The following COL5A2 variants were observed in gnomAD, a reference collection of about 807,000 sequenced individuals.
COL5A2 encodes collagen alpha-2(V) chain.
A neutral mutation model predicts 208.2 loss-of-function variants in COL5A2; 23 were observed. The observed-to-expected ratio is 0.11, with a 90% CI of 0.08 to 0.16. The LOEUF is 0.16. COL5A2 is among the 10% of genes least tolerant of loss of function. The pLI, the probability that COL5A2 is intolerant of heterozygous loss-of-function variation, is 1.00. For synonymous variants in COL5A2, 625 were observed against 628.5 expected (o/e 0.99, Z 0.08); for missense variants, 1,590 against 1,956.4 (o/e 0.81, Z 3.53).
chr2:189,300,642 C>T, the COL5A2 span, among the ~76,000 whole-genome samples: 1 of 152,174 alleles, frequency 6.6e-6, no homozygotes, highest in East Asian at 1.9e-4. Context: ...CGGGACAGCC[C>T]TGAAGACTGG....
chr2:189,206,164 A>C (rs17270980), intron 1 of COL5A2, among the ~76,000 whole-genome samples: 4,517 of 152,298 alleles, frequency 0.03, 101 homozygotes, highest in South Asian at 0.051. Flanking sequence ...AGTTAGGACT[A>C]TGTCAAAGCT....
the COL5A2 span, among the ~76,000 whole-genome samples, chr2:189,319,792 T>C: frequency 6.6e-6 from 1 of 152,232 alleles, no homozygotes; most frequent in Non-Finnish European, 1.5e-5. Context: ...TAAATGTCCC[T>C]GTCTGACAGC....
intron 1 of COL5A2, among the ~76,000 whole-genome samples, chr2:189,184,935 G>A (rs1442069734): frequency 2.0e-5 from 3 of 152,098 alleles, no homozygotes; most frequent in Non-Finnish European, 4.4e-5. Flanking sequence ...ATTCCTTGTC[G>A]GTCATGGGGA....
intron 1 of COL5A2, among the ~76,000 whole-genome samples, chr2:189,141,580 G>T (rs1687935457): frequency 6.6e-6 from 1 of 152,130 alleles, no homozygotes; most frequent in African/African-American, 2.4e-5. Flanking sequence ...ACCAAAAAAT[G>T]TAAAATAAGT....
chr2:189,194,321 C>A (rs1360525246), intron 1 of COL5A2, among the ~76,000 whole-genome samples: 1 of 152,094 alleles, frequency 6.6e-6, no homozygotes, highest in Non-Finnish European at 1.5e-5. Flanking sequence ...TAGAAAAGGG[C>A]TAATGCAGAA....
chr2:189,426,441 T>C, the COL5A2 span, among the ~76,000 whole-genome samples: 1 of 152,214 alleles, frequency 6.6e-6, no homozygotes, highest in Admixed American at 6.5e-5. Context: ...GCCCCCTCCC[T>C]GCTTAAAGTC....
chr2:189,401,909 T>A, the COL5A2 span, among the ~76,000 whole-genome samples: 1 of 152,192 alleles, frequency 6.6e-6, no homozygotes, highest in Non-Finnish European at 1.5e-5. Context: ...CACTTTTTAA[T>A]GGGGCTGTTT....
intron 1 of COL5A2, among the ~76,000 whole-genome samples, chr2:189,216,809 C>A (rs576723498): frequency 6.6e-6 from 1 of 152,174 alleles, no homozygotes; most frequent in Non-Finnish European, 1.5e-5. Context: ...TCAACATTGT[C>A]TTTGGACACA....
intron 2 of COL5A2, 147 bp downstream of exon 2, chr2:189,110,078 A>G (rs1449132046): frequency 2.9e-6 from 2 of 688,296 alleles, no homozygotes. Context: ...GAAGTGAGTG[A>G]GCAAAATCAT....
chr2:189,042,870 C>G, intron 48 of COL5A2, 97 bp from the exon 49 acceptor site: 2 of 1,198,586 alleles, frequency 1.7e-6, no homozygotes, highest in Middle Eastern at 3.7e-4. Flanking sequence ...GCAGCATGAA[C>G]TACTTTGATA....
At chr2:189,156,129 C>A (rs1463812794) in intron 1 of COL5A2, among the ~76,000 whole-genome samples, 5 of 152,054 alleles carry the variant, frequency 3.3e-5, no homozygotes, top group Non-Finnish European at 7.4e-5. Context: ...ATCATAATGT[C>A]ATCTAAAAAT....
chr2:189,134,052 C>G (rs1326886694), intron 1 of COL5A2, among the ~76,000 whole-genome samples: 1 of 152,020 alleles, frequency 6.6e-6, no homozygotes, highest in East Asian at 1.9e-4. Flanking sequence ...AAATGATATG[C>G]TGATTGATTT....
At chr2:189,284,198 C>G in the COL5A2 span, among the ~76,000 whole-genome samples, 1 of 152,144 alleles carries the variant, frequency 6.6e-6, no homozygotes, top group Admixed American at 6.5e-5. Flanking sequence ...TGTTTTAATT[C>G]TAATTTTAAT....
At chr2:189,240,003 G>A in the COL5A2 span, among the ~76,000 whole-genome samples, 1 of 151,950 alleles carries the variant, frequency 6.6e-6, no homozygotes, top group Non-Finnish European at 1.5e-5. Context: ...TAGATTTGTG[G>A]TCATTTGTTA....
the COL5A2 span, among the ~76,000 whole-genome samples, chr2:189,382,294 G>A: frequency 2.0e-5 from 3 of 152,014 alleles, no homozygotes; most frequent in Non-Finnish European, 2.9e-5. Flanking sequence ...GGAGGTCAAG[G>A]CTGCAATGAG....
intron 1 of COL5A2, among the ~76,000 whole-genome samples, chr2:189,175,651 C>T (rs1049854049): frequency 7.9e-5 from 12 of 150,998 alleles, no homozygotes; most frequent in Admixed American, 2.0e-4. Context: ...TCTAGCAACT[C>T]TCGTGCCTCA....
At chr2:189,176,296 T>G (rs1688677592) in intron 1 of COL5A2, among the ~76,000 whole-genome samples, 1 of 152,178 alleles carries the variant, frequency 6.6e-6, no homozygotes, top group Admixed American at 6.5e-5. Context: ...ATATGCAATA[T>G]CTTCTGAAAA....
intron 40 of COL5A2, 90 bp from the exon 41 acceptor site, chr2:189,052,315 A>C: frequency 8.4e-7 from 1 of 1,186,644 alleles, no homozygotes; most frequent in Non-Finnish European, 1.3e-6. Flanking sequence ...AGGAAGACTG[A>C]AGCCTTTAGA....
chr2:189,159,619 T>C (rs1688319043), intron 1 of COL5A2, among the ~76,000 whole-genome samples: 1 of 152,208 alleles, frequency 6.6e-6, no homozygotes, highest in Non-Finnish European at 1.5e-5. Flanking sequence ...CTGCTTTTAT[T>C]ACAAGTAAAT....
Sources: gnomAD v4.1 joint callset for allele counts (sites outside exome capture counted in the v4.1 genomes callset) on GRCh38, gnomAD v4.1.1 for gene constraint, MANE v1.5 for transcripts, NCBI Gene and HGNC (gene_info 2026-07-23, HGNC 2026-07-21) for gene names.